Variants in ZSCAN12 observed in about 807,000 individuals in gnomAD.
The protein encoded by ZSCAN12 is zinc finger and SCAN domain-containing protein 12.
Under a neutral mutation model 23.4 loss-of-function variants are expected in ZSCAN12, and 18 were observed. That is an observed-to-expected ratio of 0.77 (90% confidence interval 0.53 to 1.14). The LOEUF (loss-of-function observed/expected upper bound fraction) is 1.14, where lower values mean the gene tolerates loss of function less well. ZSCAN12 is among the 50% of genes most tolerant of loss of function. ZSCAN12 has a pLI of 0.00. For synonymous variants in ZSCAN12, 186 were observed against 253.4 expected, an observed-to-expected ratio of 0.73 and a Z score of 2.53; for missense variants, 650 against 735.0, an observed-to-expected ratio of 0.88 and a Z score of 1.34.
downstream of ZSCAN12, chr6:28,379,749 T>C (rs2113949731): frequency 6.6e-6 from 1 of 152,298 alleles, no homozygotes; most frequent in South Asian, 2.1e-4. Flanking sequence ...TCACTGCATT[T>C]ACTGAAACAT....
rs1760852221 is a variant in ZSCAN12, at chr6:28,391,754, T to C, written c.548-12A>G. On this transcript the variant is annotated splice_polypyrimidine_tract_variant and intron_variant, in intron 3 of 3. Coordinates refer to ENST00000684592, the MANE Select transcript of ZSCAN12 (RefSeq NM_001163391.2). This position sits in a 1 kb window ranked among gnomAD's most constrained non-coding sequence, Gnocchi z 4.1. Reference sequence around the variant, plus strand: ...CTCAACATCTAAAACTAAGAAGGGATCATAAATGTTACCTCTTTCTACCTT... The same window carrying C: ...CTCAACATCTAAAACTAAGAAGGGACCATAAATGTTACCTCTTTCTACCTT... The C allele has an allele frequency of 6.7e-7, 1 of 1,491,460 alleles. No homozygotes were observed. The highest frequency in any genetic ancestry group is 8.9e-7 in the Non-Finnish European group (1 of 1,124,478). 92.4% of individuals were successfully genotyped at this position (1,491,460 alleles called of 1,614,324 possible).
intron 2 of ZSCAN12, among the ~76,000 whole-genome samples, chr6:28,393,351 GA>G (rs1378558162): frequency 2.7e-5 from 4 of 149,816 alleles, no homozygotes; most frequent in African/African-American, 9.8e-5. Flanking sequence ...AAGGAGAGAA[GA>G]AAAAGGTGAA....
rs1457918863 is a variant in ZSCAN12, at chr6:28,390,164, T to A, written c.*290A>T. Among the ~76,000 whole-genome samples the A allele has an allele frequency of 6.6e-6, 1 of 152,116 alleles. No individual in the cohort carries two copies. The highest frequency in any genetic ancestry group is 2.4e-5 in the African/African-American group (1 of 41,388). On this transcript the variant is annotated 3_prime_UTR_variant, in exon 4 of 4. Transcript: ENST00000684592. ...TTATAGTCTGTTACAAAGTACCACT[T>A]TCATTCGACACCATCTGGTGCATCA...
At chr6:28,394,286 T>A (rs1031051272) in intron 2 of ZSCAN12, among the ~76,000 whole-genome samples, 4 of 152,220 alleles carry the variant, frequency 2.6e-5, no homozygotes, top group African/African-American at 9.6e-5. Flanking sequence ...TCTGAGATTA[T>A]AAATAACATT....
Position 28,391,430 on chromosome 6 carries a change from G to A in ZSCAN12, c.860C>T (p.Ser287Leu). The change falls in exon 4 of 4, where the codon TCA becomes TTA. Residue 287 changes from serine (S) to leucine (L), a missense_variant. Physicochemically the swap from Ser to Leu is moderately radical, Grantham distance 145. Coordinates refer to ENST00000684592, the MANE Select transcript of ZSCAN12 (RefSeq NM_001163391.2). This position sits in a 1 kb window ranked among gnomAD's most constrained non-coding sequence, Gnocchi z 4.1. ...GATCCTCTGATGTTCTATGAGGTGT[G>A]AGTGCTGACTAAAAGCTTTTCCACA... Reference protein sequence around the residue: ...DDCGKAFSQHSHLIEHQRIHT... With the variant: ...DDCGKAFSQHLHLIEHQRIHT... 1 of 1,551,540 alleles carries A rather than the reference G, an allele frequency of 6.4e-7. No individual in the cohort carries two copies. Among genetic ancestry groups the A allele is most frequent in the Non-Finnish European group, 8.7e-7 (1 of 1,146,738 alleles).
In ZSCAN12 at chr6:28,386,385, C is replaced by G. The variant is rs1049550214; in HGVS notation, c.*4069G>C. Among the ~76,000 whole-genome samples, 1 of 152,214 alleles carries G rather than the reference C, an allele frequency of 6.6e-6. No homozygotes were observed. The highest frequency in any genetic ancestry group is 2.4e-5 in the African/African-American group (1 of 41,456). The stretch of plus-strand genomic sequence containing the variant: ...GATGACCGTTATTTCTACCTTGGAC[C>G]TGCTTCGCTTTTATATTCTTCGTTT... On this transcript the variant is annotated 3_prime_UTR_variant, in exon 4 of 4. Transcript: ENST00000684592.
Position 28,390,836 on chromosome 6 carries a change from G to T in ZSCAN12, c.1454C>A (p.Thr485Lys). 6.3e-7 allele frequency: 1 copy of T among 1,593,108 alleles called. No individual in the cohort carries two copies. The highest frequency in any genetic ancestry group is 8.6e-7 in the Non-Finnish European group (1 of 1,169,146). Residue 485 changes from threonine (T) to lysine (K), a missense_variant, in exon 4 of 4, where the codon ACA becomes AAA. By Grantham distance (78) the Thr-to-Lys change is moderately conservative (BLOSUM62 -1). Transcript: ENST00000684592. ...TCCAGTGTGAATTCGCTGATGTTCT[G>T]TAAGACTTGTCCTTTGAATAAAGGC... ...EKAFIQRTSLTEHQRIHTGER... is the reference protein window; with the variant it reads ...EKAFIQRTSLKEHQRIHTGER...
rs1761248523 is a variant in ZSCAN12, at chr6:28,398,621, G to T, written c.-68-148C>A. On this transcript the variant is annotated intron_variant, in intron 1 of 3. Transcript: ENST00000684592. ...AAATACTCTGATAGAAAAGACTTAA[G>T]ATTAGACCGATTTAGGCCGGGCACA... 6.1e-6 allele frequency: 3 copies of T among 490,732 alleles called. No homozygotes were observed. The South Asian group carries it at 1.2e-4, about 19-fold the overall frequency. 30.4% of individuals were successfully genotyped at this position (490,732 alleles called of 1,614,324 possible).
At chr6:28,394,189 A>G (rs1405622501) in intron 2 of ZSCAN12, among the ~76,000 whole-genome samples, 2 of 152,202 alleles carry the variant, frequency 1.3e-5, no homozygotes, top group Non-Finnish European at 2.9e-5. Flanking sequence ...AAGGTATTGT[A>G]AAAAGCAGGG....
In ZSCAN12 at chr6:28,398,214, C is replaced by G. The variant is rs1336585363; in HGVS notation, c.192G>C (p.Leu64Phe). 26 of 1,613,948 alleles carry G rather than the reference C, an allele frequency of 1.6e-5. No individual in the cohort carries two copies. The East Asian group carries it at 5.8e-4, about 36-fold the overall frequency. Reference protein sequence around the residue: ...YQETSGPREALSRLRELCHQW... With the variant: ...YQETSGPREAFSRLRELCHQW... ...GATGGCAAAGTTCTCGGAGTCGGCTCAAAGCCTCACGGGGACCAGATGTCT... is the reference window on the plus strand; with the variant it reads ...GATGGCAAAGTTCTCGGAGTCGGCTGAAAGCCTCACGGGGACCAGATGTCT... The change falls in exon 2 of 4, where the codon TTG becomes TTC. Residue 64 changes from leucine to phenylalanine, a missense_variant. Leu to Phe is a conservative substitution (Grantham distance 22). Coordinates refer to ENST00000684592, the MANE Select transcript of ZSCAN12 (RefSeq NM_001163391.2).
rs375294516 is a variant in ZSCAN12 at position 28,391,059 on chromosome 6, C to T, written c.1231G>A (p.Ala411Thr). The change falls in exon 4 of 4, where the codon GCC becomes ACC. Residue 411 changes from alanine to threonine, a missense_variant. Transcript: ENST00000684592. The surrounding 1 kb of genome is among the most constrained non-coding windows in gnomAD (Gnocchi z 4.1). ...CACTCGTTGCACTCATACGGCTTGG[C>T]GCCGGTATGAACTCCTTGATGCTGA... ...LTQHQGVHTG[A>T]KPYECNECGK... 195 of 1,554,256 alleles carry T rather than the reference C, an allele frequency of 1.3e-4. No homozygotes were observed. Among genetic ancestry groups the T allele is most frequent in the Non-Finnish European group, 1.6e-4 (185 of 1,148,292 alleles).
intron 2 of ZSCAN12, among the ~76,000 whole-genome samples, chr6:28,393,718 A>G (rs1760973546): frequency 6.8e-6 from 1 of 147,062 alleles, no homozygotes; most frequent in Non-Finnish European, 1.5e-5. Flanking sequence ...AGCCTGGGTG[A>G]CAGAGACACT....
rs1280647099 is a variant in ZSCAN12 at position 28,397,999 on chromosome 6, C to T, written c.402+5G>A. 2.6e-6 allele frequency: 4 copies of T among 1,551,916 alleles called. No homozygotes were observed. Among genetic ancestry groups the T allele is most frequent in the Admixed American group, 2.1e-5 (1 of 48,050 alleles). On this transcript the variant is annotated splice_donor_5th_base_variant and intron_variant, in intron 2 of 3. Coordinates refer to ENST00000684592, the MANE Select transcript of ZSCAN12 (RefSeq NM_001163391.2). ...CTCAAGCAGAAGTCACATCTTTTTT[C>T]TCACCTGCTCTCCTGGTTCATCCAG...
In ZSCAN12 at chr6:28,390,779, T is replaced by G; in HGVS notation, c.1511A>C (p.Lys504Thr). Residue 504 changes from lysine (K) to threonine (T), a missense_variant, in exon 4 of 4, where the codon AAG becomes ACG. Transcript: ENST00000684592. ...GAGGACTGATCTTTGAGTAAACGCC[T>G]TCCCACACTTATCACATTTATAGGG... ...ERPYKCDKCG[K>T]AFTQRSVLTE... 6.2e-7 allele frequency: 1 copy of G among 1,604,074 alleles called. No homozygotes were observed. Among genetic ancestry groups the G allele is most frequent in the Non-Finnish European group, 8.5e-7 (1 of 1,174,796 alleles).
At position 28,393,347 on chromosome 6, in the gene ZSCAN12, A is replaced by G. The variant is rs1033790284; in HGVS notation, c.403-301T>C. Among the ~76,000 whole-genome samples the G allele has an allele frequency of 8.5e-5, 13 of 152,194 alleles. 1 individual carries two copies. The South Asian group carries it at 2.5e-3, about 29-fold the overall frequency. ...AAGGGAGAAAGACAAAACAAAGGAG[A>G]GAAGAAAAAGGTGAAAAGAGGCAGA... On this transcript the variant is annotated intron_variant, in intron 2 of 3. Transcript: ENST00000684592.
Position 28,388,344 on chromosome 6 carries a change from A to C in ZSCAN12, c.*2110T>G, listed in dbSNP as rs1011495911. On this transcript the variant is annotated 3_prime_UTR_variant, in exon 4 of 4. Coordinates refer to ENST00000684592, the MANE Select transcript of ZSCAN12 (RefSeq NM_001163391.2). ...GTTTTTCCACACAGAAAGTCATGTA[A>C]GTTCCAATCCCAGAAGCCAATTTGA... Among the ~76,000 whole-genome samples, 16 of 152,168 alleles carry C rather than the reference A, an allele frequency of 1.1e-4. No homozygotes were observed. Among genetic ancestry groups the C allele is most frequent in the South Asian group, 2.1e-4 (1 of 4,830 alleles).
chr6:28,384,164 G>T (rs1191500833), downstream of ZSCAN12, among the ~76,000 whole-genome samples: 3 of 152,104 alleles, frequency 2.0e-5, no homozygotes, highest in African/African-American at 7.2e-5. Flanking sequence ...AATAAGTAGG[G>T]AATTTGGCCA....
At chr6:28,395,403 C>A (rs1459538583) in intron 2 of ZSCAN12, among the ~76,000 whole-genome samples, 2 of 152,154 alleles carry the variant, frequency 1.3e-5, no homozygotes, top group African/African-American at 4.8e-5. Context: ...AAAAACAAAC[C>A]CTGTCAAGCT....
At position 28,389,948 on chromosome 6, in the gene ZSCAN12, C is replaced by T. The variant is rs368514472; in HGVS notation, c.*506G>A. Among the ~76,000 whole-genome samples the T allele has an allele frequency of 1.3e-5, 2 of 152,190 alleles. No individual in the cohort carries two copies. The highest frequency in any genetic ancestry group is 2.1e-4 in the South Asian group (1 of 4,834). On this transcript the variant is annotated 3_prime_UTR_variant, in exon 4 of 4. Coordinates refer to ENST00000684592, the MANE Select transcript of ZSCAN12 (RefSeq NM_001163391.2). ...CTATTGATTGCCCAATTTGCACGAA[C>T]CTTTTACTTCAGGTTGGCTAGTCTT...
Sources: gnomAD v4.1 joint callset for allele counts (sites outside exome capture counted in the v4.1 genomes callset) on GRCh38, gnomAD v4.1.1 for gene constraint, Gnocchi (gnomAD v3.1) non-coding constraint, MANE v1.5 for transcripts, NCBI Gene and HGNC (gene_info 2026-07-23, HGNC 2026-07-21) for gene names.